Variants in ANXA1 observed in about 807,000 individuals in gnomAD.
ANXA1 encodes annexin I (lipocortin I).
ANXA1 carries 39 observed loss-of-function variants against 47.9 expected under a neutral mutation model. The ratio of observed to expected loss-of-function variants is 0.81; its 90% CI spans 0.63 to 1.06. The LOEUF is 1.06. Ranked by LOEUF, ANXA1 falls within the 50% of genes least tolerant of loss-of-function variation. The probability of loss-of-function intolerance (pLI) is 0.00; values close to 1 mark genes in which losing one functional copy is unlikely to be tolerated. For missense variants in ANXA1, 446 were observed against 422.7 expected (o/e 1.06, Z -0.48); for synonymous variants, 146 against 142.5 (o/e 1.02, Z -0.17).
intron 8 of ANXA1, among the ~76,000 whole-genome samples, chr9:73,164,228 T>A (rs1824190136): frequency 6.6e-6 from 1 of 152,138 alleles, no homozygotes; most frequent in Non-Finnish European, 1.5e-5. Flanking sequence ...TGCACCCCCA[T>A]CCACTTCTGC....
chr9:73,167,655 T>C (rs1824255526), intron 11 of ANXA1, 100 bp downstream of exon 11: 10 of 1,066,900 alleles, frequency 9.4e-6, no homozygotes, highest in Non-Finnish European at 1.3e-5. Context: ...TTTAATATCT[T>C]CCCATTAATG....
chr9:73,160,409 T>C lies in ANXA1; in HGVS notation c.384+33T>C, dbSNP rs768549264. 8.2e-6 allele frequency: 12 copies of C among 1,458,714 alleles called. No homozygotes were observed. In the African/African-American group the frequency reaches 1.3e-4, roughly 16 times the overall value. 90.4% of individuals were successfully genotyped at this position (1,458,714 alleles called of 1,614,324 possible). A position where few individuals can be genotyped will look rare whatever the true frequency, so the allele number is the denominator to read the frequency against. On this transcript the variant is annotated intron_variant, in intron 5 of 12. Transcript: ENST00000257497. Reference sequence around the variant, plus strand: ...GCCCAATTTGAGCAAACTCCTTTCCTCAAGAGGATGTATTGGGCAAGTCAC... The same window carrying C: ...GCCCAATTTGAGCAAACTCCTTTCCCCAAGAGGATGTATTGGGCAAGTCAC...
In ANXA1 at chr9:73,160,907, T is replaced by C. The variant is rs1048530541; in HGVS notation, c.475+14T>C. Reference sequence around the variant, plus strand: ...TCTACAGAGAGGGTAAGTTGTAATGTCCAACAGTCCAAACGCCTTATTTGA... The same window carrying C: ...TCTACAGAGAGGGTAAGTTGTAATGCCCAACAGTCCAAACGCCTTATTTGA... On this transcript the variant is annotated intron_variant, in intron 6 of 12. Coordinates refer to ENST00000257497, the MANE Select transcript of ANXA1 (RefSeq NM_000700.3). 1 of 1,529,398 alleles carries C rather than the reference T, an allele frequency of 6.5e-7. No individual in the cohort carries two copies. The allele number at this position is 1,529,398 out of a possible 1,614,324, so 94.7% of individuals were successfully genotyped here.
chr9:73,158,649 C>T lies in ANXA1; in HGVS notation c.67-46C>T, dbSNP rs367968614. ...TATGATTACAATATTGAAATAAAAA[C>T]GAATATAAGTAAATGGCCATTAATT... On this transcript the variant is annotated intron_variant, in intron 2 of 12. Transcript: ENST00000257497. 3.2e-5 allele frequency: 51 copies of T among 1,608,528 alleles called. No homozygotes were observed. The African/African-American group carries it at 3.9e-4, about 12-fold the overall frequency.
chr9:73,152,247 T>C (rs1823984247), intron 1 of ANXA1, among the ~76,000 whole-genome samples: 1 of 152,156 alleles, frequency 6.6e-6, no homozygotes, highest in Admixed American at 6.5e-5. Flanking sequence ...AGAATGTGTT[T>C]TTCCTTTCCT....
intron 6 of ANXA1, 72 bp downstream of exon 6, chr9:73,160,965 C>T: frequency 1.9e-6 from 2 of 1,049,906 alleles, no homozygotes; most frequent in Non-Finnish European, 2.9e-6. Flanking sequence ...TTAAAATTGA[C>T]TGTCTATGGT....
chr9:73,163,529 C>T lies in ANXA1; in HGVS notation c.609C>T (p.Ala203=), dbSNP rs775236077. Reference sequence around the variant, plus strand: ...ATGAAGACTTGGCTGATTCAGATGCCAGGGTAAGGAAGTGCTTACAAAATA... The same window carrying T: ...ATGAAGACTTGGCTGATTCAGATGCTAGGGTAAGGAAGTGCTTACAAAATA... ...GVNEDLADSD[A]RALYEAGERR... Residue 203 remains alanine (A), a synonymous_variant, in exon 8 of 13, where the codon GCC becomes GCT. Transcript: ENST00000257497. 3 of 1,612,668 alleles carry T rather than the reference C, an allele frequency of 1.9e-6. No homozygotes were observed. The highest frequency in any genetic ancestry group is 2.5e-6 in the Non-Finnish European group (3 of 1,179,054).
At chr9:73,162,147 T>G (rs1015003301) in intron 6 of ANXA1, among the ~76,000 whole-genome samples, 4 of 152,138 alleles carry the variant, frequency 2.6e-5, no homozygotes, top group South Asian at 2.1e-4. Context: ...ATGAGGGATC[T>G]GCCCCCATCA....
At chr9:73,158,280 C>G in intron 1 of ANXA1, 1 of 413,648 alleles carries the variant, frequency 2.4e-6, no homozygotes, top group Non-Finnish European at 4.5e-6. Flanking sequence ...AAATTTAGAA[C>G]TGAATATGCC....
intron 1 of ANXA1, among the ~76,000 whole-genome samples, chr9:73,156,783 C>A (rs1423447822): frequency 1.3e-5 from 2 of 152,148 alleles, no homozygotes; most frequent in Non-Finnish European, 2.9e-5. Flanking sequence ...GTCCTCCCAA[C>A]CTCTCTCACA....
In ANXA1 at chr9:73,165,779, A is replaced by G. The variant is rs779384198; in HGVS notation, c.707-318A>G. On this transcript the variant is annotated intron_variant, in intron 9 of 12. Transcript: ENST00000257497. ...AAATTTAGTGCACAGGTCTTTATAT[A>G]AGGGAAGATCCATTTGCTGTGGCTC... Among the ~76,000 whole-genome samples the G allele has an allele frequency of 5.3e-5, 8 of 152,188 alleles. No individual in the cohort carries two copies. The South Asian group carries it at 1.7e-3, about 32-fold the overall frequency.
chr9:73,163,395 T>C (rs1474965435), intron 7 of ANXA1, 81 bp from the exon 8 acceptor site: 8 of 1,360,970 alleles, frequency 5.9e-6, no homozygotes, highest in Admixed American at 3.8e-5. Flanking sequence ...AAAATATTAT[T>C]TATCTGAGTT....
chr9:73,157,202 A>C (rs1299474665), intron 1 of ANXA1, among the ~76,000 whole-genome samples: 1 of 152,184 alleles, frequency 6.6e-6, no homozygotes, highest in Non-Finnish European at 1.5e-5. Flanking sequence ...AAGAAATGTG[A>C]AGATAGCAAT....
intron 4 of ANXA1, 126 bp downstream of exon 4, chr9:73,159,549 G>T: frequency 4.5e-6 from 3 of 669,264 alleles, no homozygotes; most frequent in South Asian, 2.3e-5. Context: ...TCTATGATTG[G>T]GATTGCAGTG....
chr9:73,166,047 C>T (rs1484111384), intron 9 of ANXA1, 50 bp from the exon 10 acceptor site: 2 of 1,437,590 alleles, frequency 1.4e-6, no homozygotes, highest in Non-Finnish European at 1.9e-6. Context: ...CTAAAGCTTT[C>T]TAAAGAAAAG....
rs974881240 is a variant in ANXA1, at chr9:73,151,891, C to G, written c.-48C>G. The G allele has an allele frequency of 6.6e-6, 1 of 152,152 alleles. No homozygotes were observed. The highest frequency in any genetic ancestry group is 1.5e-5 in the Non-Finnish European group (1 of 68,024). 9.4% of individuals were successfully genotyped at this position (152,152 alleles called of 1,614,324 possible). On this transcript the variant is annotated 5_prime_UTR_variant, in exon 1 of 13. Coordinates refer to ENST00000257497, the MANE Select transcript of ANXA1 (RefSeq NM_000700.3). The stretch of plus-strand genomic sequence containing the variant: ...GTGTGAAATCTTCAGAGAAGAATTT[C>G]TCTTTAGTTCTTTGCAAGAAGGTAG...
intron 1 of ANXA1, among the ~76,000 whole-genome samples, chr9:73,153,267 G>A (rs4301502): frequency 0.079 from 11,974 of 152,196 alleles, 475 homozygotes; most frequent in African/African-American, 0.11. Context: ...GTTGATTTCT[G>A]AATATGACGT....
chr9:73,165,207 G>C lies in ANXA1; in HGVS notation c.704G>C (p.Arg235Thr). 6.2e-7 allele frequency: 1 copy of C among 1,611,626 alleles called. No individual in the cohort carries two copies. Residue 235 changes from arginine (R) to threonine (T), a missense_variant and splice_region_variant, in exon 9 of 13, where the codon AGA becomes ACA. Transcript: ENST00000257497. ...ACCAGAAGCTATCCACAACTTCGCA[G>C]AGGTAACAATAAATTTCTTTTTCTG... ...LTTRSYPQLR[R>T]VFQKYTKYSK... is the part of the protein sequence containing the mutation.
At chr9:73,154,752 C>T (rs1465515114) in intron 1 of ANXA1, among the ~76,000 whole-genome samples, 1 of 152,126 alleles carries the variant, frequency 6.6e-6, no homozygotes, top group Admixed American at 6.6e-5. Flanking sequence ...ATATATAACA[C>T]TTTGGAATCA....
Sources: allele counts gnomAD v4.1 joint callset (sites outside exome capture counted in the v4.1 genomes callset), GRCh38; gene constraint gnomAD v4.1.1; transcripts MANE v1.5; gene names NCBI Gene and HGNC (gene_info 2026-07-23, HGNC 2026-07-21).